ZNF521: variants seen among roughly 807,000 people sequenced by gnomAD.
ZNF521 encodes the protein LYST-interacting protein 3.
Under a neutral mutation model 105.5 loss-of-function variants are expected in ZNF521, and 14 were observed. The ratio of observed to expected loss-of-function variants is 0.13; its 90% CI spans 0.09 to 0.21. The LOEUF (loss-of-function observed/expected upper bound fraction) is 0.21. ZNF521 is among the 10% of genes least tolerant of loss of function. ZNF521 has a pLI of 1.00. For missense variants in ZNF521, 1,233 were observed against 1,629.7 expected, an observed-to-expected ratio of 0.76 and a Z score of 4.19; for synonymous variants, 635 against 606.0, an observed-to-expected ratio of 1.05 and a Z score of -0.70.
chr18:25,319,562 C>G (rs779720001), intron 3 of ZNF521, among the ~76,000 whole-genome samples: 5 of 150,374 alleles, frequency 3.3e-5, no homozygotes, highest in Admixed American at 6.6e-5. Flanking sequence ...CGCCACTGCA[C>G]TCCAGCCTGG....
At chr18:25,272,458 TAC>T (rs1909726812) in intron 3 of ZNF521, among the ~76,000 whole-genome samples, 1 of 152,138 alleles carries the variant, frequency 6.6e-6, no homozygotes. Flanking sequence ...AAGACACATG[TAC>T]ACATATGTTT....
chr18:25,182,735 A>G (rs2035654002), intron 5 of ZNF521, among the ~76,000 whole-genome samples: 1 of 152,198 alleles, frequency 6.6e-6, no homozygotes, highest in South Asian at 2.1e-4. Flanking sequence ...TGCAGTTTGA[A>G]TGAATACTGT....
intron 5 of ZNF521, among the ~76,000 whole-genome samples, chr18:25,098,360 T>C (rs1206438845): frequency 6.6e-6 from 1 of 152,056 alleles, no homozygotes; most frequent in Non-Finnish European, 1.5e-5. Flanking sequence ...ACATTCTGAA[T>C]CTAAACATGG....
intron 3 of ZNF521, among the ~76,000 whole-genome samples, chr18:25,234,277 CT>C: frequency 6.6e-6 from 1 of 152,140 alleles, no homozygotes; most frequent in Non-Finnish European, 1.5e-5. Flanking sequence ...ACATGTTGAT[CT>C]TTTCTTGAAT....
intron 7 of ZNF521, among the ~76,000 whole-genome samples, chr18:25,065,170 GTTT>G (rs530125070): frequency 6.6e-6 from 1 of 152,098 alleles, no homozygotes; most frequent in Admixed American, 6.6e-5. Context: ...TTATAGAAAG[GTTT>G]TTTATTTTTA....
At chr18:25,199,762 T>A (rs2035961134) in intron 4 of ZNF521, among the ~76,000 whole-genome samples, 1 of 152,116 alleles carries the variant, frequency 6.6e-6, no homozygotes, top group Admixed American at 6.6e-5. Context: ...TCTCCACTAT[T>A]CACTTTAGAC....
Position 25,322,041 on chromosome 18 carries a change from T to C in ZNF521, c.187A>G (p.Thr63Ala), listed in dbSNP as rs1294533366. The C allele has an allele frequency of 6.2e-7, 1 of 1,614,226 alleles. No individual in the cohort carries two copies. Among genetic ancestry groups the C allele is most frequent in the South Asian group, 1.1e-5 (1 of 91,092 alleles). The change falls in exon 3 of 8, where the codon ACA becomes GCA. Residue 63 changes from threonine to alanine, a missense_variant. Thr to Ala is a moderately conservative substitution (Grantham distance 58, BLOSUM62 0). This residue lies in a region of ZNF521 where 76 missense variants were observed against 79.3 expected (regional missense o/e 0.96). Transcript: ENST00000361524. ...TGACATTGATTAATCTTGTGTTCTG[T>C]GATATCGCTCAGCGATTCAAACACC... Reference protein sequence around the residue: ...LQVFESLSDITEHKINQCQLT... With the variant: ...LQVFESLSDIAEHKINQCQLT...
intron 5 of ZNF521, among the ~76,000 whole-genome samples, chr18:25,119,983 G>A (rs534953461): frequency 2.2e-4 from 33 of 152,182 alleles, no homozygotes; most frequent in Non-Finnish European, 3.5e-4. Flanking sequence ...TATCAGGAAC[G>A]AATAAGTGGC....
intron 3 of ZNF521, among the ~76,000 whole-genome samples, chr18:25,269,484 T>C (rs1416044571): frequency 6.6e-6 from 1 of 152,194 alleles, no homozygotes; most frequent in Non-Finnish European, 1.5e-5. Flanking sequence ...CAACAGAATA[T>C]ACATTCTTCT....
At chr18:25,075,310 A>G (rs1188534500) in intron 7 of ZNF521, among the ~76,000 whole-genome samples, 1 of 152,226 alleles carries the variant, frequency 6.6e-6, no homozygotes, top group Non-Finnish European at 1.5e-5. Context: ...ACCAGCCACA[A>G]CACAGAAGGA....
At chr18:25,333,018 T>C (rs1020950325) in intron 2 of ZNF521, among the ~76,000 whole-genome samples, 11 of 152,062 alleles carry the variant, frequency 7.2e-5, no homozygotes, top group African/African-American at 2.4e-4. Flanking sequence ...ACATATTATA[T>C]ATTTGTATAG....
intron 5 of ZNF521, among the ~76,000 whole-genome samples, chr18:25,184,201 G>A (rs1414129313): frequency 1.3e-5 from 2 of 151,934 alleles, no homozygotes; most frequent in Non-Finnish European, 2.9e-5. Flanking sequence ...AAAAAAGTGT[G>A]AATATTATTT....
At chr18:25,124,402 C>T (rs9959114) in intron 5 of ZNF521, among the ~76,000 whole-genome samples, 70,324 of 151,940 alleles carry the variant, frequency 0.46, 16,512 homozygotes, top group South Asian at 0.56. Context: ...AACTAAGTAA[C>T]ACATGAATAA....
chr18:25,217,281 A>G (rs1905389688), intron 4 of ZNF521, among the ~76,000 whole-genome samples: 1 of 152,212 alleles, frequency 6.6e-6, no homozygotes, highest in Admixed American at 6.5e-5. Context: ...CAGACGAGAA[A>G]CAATTGCAGC....
chr18:25,068,790 T>C (rs1300635081), intron 7 of ZNF521, among the ~76,000 whole-genome samples: 1 of 152,202 alleles, frequency 6.6e-6, no homozygotes, highest in Non-Finnish European at 1.5e-5. Context: ...ATTATGAGTC[T>C]GGCTGGCTCC....
At chr18:25,262,047 T>A (rs1450211518) in intron 3 of ZNF521, among the ~76,000 whole-genome samples, 1 of 152,138 alleles carries the variant, frequency 6.6e-6, no homozygotes, top group Non-Finnish European at 1.5e-5. Flanking sequence ...CAATGGACAA[T>A]AGCTTTTGCC....
intron 6 of ZNF521, 63 bp from the exon 7 acceptor site, chr18:25,089,643 ACT>A: frequency 7.4e-7 from 1 of 1,349,778 alleles, no homozygotes; most frequent in Non-Finnish European, 1.1e-6. Context: ...TCAGTCGATG[ACT>A]CTGCATGAAC....
chr18:25,164,024 C>A (rs750360549), intron 5 of ZNF521, among the ~76,000 whole-genome samples: 6 of 152,064 alleles, frequency 3.9e-5, no homozygotes, highest in Non-Finnish European at 8.8e-5. Flanking sequence ...ACTCTCAATC[C>A]CCCAGGTAAA....
In ZNF521 at chr18:25,299,838, A is replaced by T. The variant is rs139198521; in HGVS notation, c.220+22170T>A. Reference sequence around the variant, plus strand: ...TTACATGGTAGACTTGGAAGAAATGATAATAAGAGAGACTCTGATTTCGGT... The same window carrying T: ...TTACATGGTAGACTTGGAAGAAATGTTAATAAGAGAGACTCTGATTTCGGT... On this transcript the variant is annotated intron_variant, in intron 3 of 7. Transcript: ENST00000361524. Among the ~76,000 whole-genome samples, 375 of 152,334 alleles carry T rather than the reference A, an allele frequency of 2.5e-3. 1 individual carries two copies. The highest frequency in any genetic ancestry group is 8.6e-3 in the African/African-American group (357 of 41,582).
Sources: allele counts gnomAD v4.1 joint callset (sites outside exome capture counted in the v4.1 genomes callset), GRCh38; gene constraint gnomAD v4.1.1; regional missense constraint gnomAD v4.1.1; transcripts MANE v1.5; gene names NCBI Gene and HGNC (gene_info 2026-07-23, HGNC 2026-07-21).